The following WNK1 variants were observed in gnomAD, a reference collection of about 807,000 sequenced individuals.
WNK1 encodes serine/threonine-protein kinase WNK1.
A neutral mutation model predicts 222.8 loss-of-function variants in WNK1; 38 were observed. The ratio of observed to expected loss-of-function variants is 0.17; its 90% CI spans 0.13 to 0.22. The LOEUF (loss-of-function observed/expected upper bound fraction) is 0.22, where lower values mean the gene tolerates loss of function less well. Among genes scored for constraint, WNK1 ranks in the 10% least tolerant of loss-of-function variants. WNK1 has a pLI of 1.00. For missense variants in WNK1, 2,348 were observed against 2,918.4 expected, an observed-to-expected ratio of 0.80 and a Z score of 4.50; for synonymous variants, 1,090 against 1,092.9, an observed-to-expected ratio of 1.00 and a Z score of 0.05.
Position 885,483 on chromosome 12 carries a change from AT to A in WNK1, c.4680del (p.Tyr1560Ter). On this transcript the variant is annotated frameshift_variant, in exon 19 of 28. Coordinates refer to ENST00000315939, the MANE Select transcript of WNK1 (RefSeq NM_018979.4). LOFTEE classifies it high-confidence loss of function. The part of the protein sequence containing the change: ...SSSPGAGVSS[Y>X]ISQPGGLHPL... ...TCTCCTGGAGCAGGAGTGTCTAGTT[AT>A]ATTTCTCAGCCTGGTGGGCTGCATC... The A allele has an allele frequency of 6.2e-7, 1 of 1,613,992 alleles. No homozygotes were observed. The highest frequency in any genetic ancestry group is 8.5e-7 in the Non-Finnish European group (1 of 1,180,018).
At chr12:824,029 C>T (rs1948141199) in intron 2 of WNK1, among the ~76,000 whole-genome samples, 1 of 151,616 alleles carries the variant, frequency 6.6e-6, no homozygotes, top group Admixed American at 6.6e-5. Context: ...ACCTCAGCCT[C>T]CCGAGTAGCT....
At position 885,576 on chromosome 12, in the gene WNK1, C is replaced by G. The variant is rs1348314598; in HGVS notation, c.4772C>G (p.Thr1591Arg). The part of the protein sequence containing the change: ...ILPQAAGPTS[T>R]PLLPQVPSIP... ...CCCCAAGCAGCAGGACCTACTTCTA[C>G]ACCTTTATTACCCCAAGTACCTAGT... The change falls in exon 19 of 28, where the codon ACA becomes AGA. Residue 1591 changes from threonine (T) to arginine (R), a missense_variant. Transcript: ENST00000315939. 6.2e-7 allele frequency: 1 copy of G among 1,614,176 alleles called. No homozygotes were observed. The highest frequency in any genetic ancestry group is 1.3e-5 in the African/African-American group (1 of 75,050).
At position 827,411 on chromosome 12, in the gene WNK1, A is replaced by G. The variant is rs1948434692; in HGVS notation, c.1153+149A>G. 2 of 688,918 alleles carry G rather than the reference A, an allele frequency of 2.9e-6. No individual in the cohort carries two copies. The highest frequency in any genetic ancestry group is 3.4e-5 in the South Asian group (2 of 59,092). The allele number at this position is 688,918 out of a possible 1,614,324, so 42.7% of individuals were successfully genotyped here. A position where few individuals can be genotyped will look rare whatever the true frequency, so the allele number is the denominator to read the frequency against. On this transcript the variant is annotated intron_variant, in intron 3 of 27. Coordinates refer to ENST00000315939, the MANE Select transcript of WNK1 (RefSeq NM_018979.4). The surrounding 1 kb of genome is among the most constrained non-coding windows in gnomAD (Gnocchi z 4.6). ...GTGATCCATTGTACTTATGAGATAT[A>G]GGATTCTCTATATTTGTGCTTCTTG...
chr12:906,858 G>T, intron 26 of WNK1: 1 of 606,960 alleles, frequency 1.6e-6, no homozygotes, highest in Non-Finnish European at 2.1e-6. Flanking sequence ...AACATATGGA[G>T]ATTCTGTCTA....
At chr12:862,832 A>T (rs1008779965) in intron 8 of WNK1, among the ~76,000 whole-genome samples, 1 of 152,094 alleles carries the variant, frequency 6.6e-6, no homozygotes, top group African/African-American at 2.4e-5. Context: ...TTCCTTCCCC[A>T]GTATATGTTC....
At chr12:867,410 T>C (rs1213719537) in intron 8 of WNK1, among the ~76,000 whole-genome samples, 1 of 152,210 alleles carries the variant, frequency 6.6e-6, no homozygotes, top group African/African-American at 2.4e-5. Flanking sequence ...AATAAGAATA[T>C]AGGGAAAGTT....
In WNK1 at chr12:754,088, A is replaced by G; in HGVS notation, c.523A>G (p.Lys175Glu). The G allele has an allele frequency of 6.2e-7, 1 of 1,610,316 alleles. No homozygotes were observed. The highest frequency in any genetic ancestry group is 8.5e-7 in the Non-Finnish European group (1 of 1,179,026). Residue 175 changes from lysine (K) to glutamate (E), a missense_variant, in exon 1 of 28, where the codon AAA becomes GAA. Lys to Glu is a moderately conservative substitution (Grantham distance 56). This residue lies in a region of WNK1 where 185 missense variants were observed against 159.2 expected (regional missense o/e 1.16). Coordinates refer to ENST00000315939, the MANE Select transcript of WNK1 (RefSeq NM_018979.4). ...GTCCCAGCCTAGCCTTGTGGGGAGC[A>G]AAGAGGAGCCGCCGCCGGCGAGAAG... ...PVSQPSLVGS[K>E]EEPPPARSGS...
intron 22 of WNK1, among the ~76,000 whole-genome samples, chr12:892,061 A>G: frequency 7.2e-6 from 1 of 138,324 alleles, no homozygotes; most frequent in East Asian, 2.1e-4. Context: ...TGGCTTGGAA[A>G]TCTTTTTTTT....
In WNK1 at chr12:871,331, A is replaced by G. The variant is rs147099510; in HGVS notation, c.2206A>G (p.Ile736Val). ...AACAGGGGTTTCATCTTCCCAACCC[A>G]TACAACATCCTCAGCAGGTGAGAAC... ...SLTGVSSSQP[I>V]QHPQQQQGIQ... The change falls in exon 9 of 28, where the codon ATA becomes GTA. Residue 736 changes from isoleucine (I) to valine (V), a missense_variant. Ile to Val is a conservative substitution (Grantham distance 29). Around this residue, in one of 13 missense-constraint regions of WNK1, gnomAD observed 547 missense variants for 558.3 expected, o/e 0.98. Transcript: ENST00000315939. The G allele has an allele frequency of 1.4e-3, 2,309 of 1,614,186 alleles. 16 individuals carry two copies. The highest frequency in any genetic ancestry group is 7.0e-3 in the South Asian group (635 of 91,084).
At chr12:764,494 G>C (rs1157176294) in intron 1 of WNK1, among the ~76,000 whole-genome samples, 1 of 144,572 alleles carries the variant, frequency 6.9e-6, no homozygotes, top group Non-Finnish European at 1.5e-5. Context: ...AAATTAGCTG[G>C]GCCTGGTGGC....
At chr12:775,054 G>T (rs1942947439) in intron 1 of WNK1, among the ~76,000 whole-genome samples, 1 of 151,794 alleles carries the variant, frequency 6.6e-6, no homozygotes, top group Non-Finnish European at 1.5e-5. Context: ...AACTTGATAG[G>T]TGAATTTCTG....
intron 2 of WNK1, among the ~76,000 whole-genome samples, chr12:822,084 T>C (rs1266439272): frequency 1.4e-5 from 2 of 138,028 alleles, no homozygotes; most frequent in Admixed American, 7.7e-5. Flanking sequence ...GTATGTCTTA[T>C]ACCTTTTTTT....
intron 1 of WNK1, among the ~76,000 whole-genome samples, chr12:802,721 G>T (rs1464057744): frequency 6.6e-6 from 1 of 152,130 alleles, no homozygotes; most frequent in African/African-American, 2.4e-5. Flanking sequence ...GAGTTTAAAG[G>T]TTAAGACTGG....
At chr12:770,832 ATTTCTTT>A (rs1400422365) in intron 1 of WNK1, among the ~76,000 whole-genome samples, 1 of 152,120 alleles carries the variant, frequency 6.6e-6, no homozygotes, top group Non-Finnish European at 1.5e-5. Context: ...CAGAAATGGC[ATTTCTTT>A]ATGGCTTTGT....
chr12:862,459 A>C (rs1299551676), intron 8 of WNK1, among the ~76,000 whole-genome samples, 189 bp downstream of exon 8: 2 of 152,260 alleles, frequency 1.3e-5, no homozygotes, highest in African/African-American at 4.8e-5. Context: ...TGAACTGCCT[A>C]CATGAAGCAG....
intron 26 of WNK1, among the ~76,000 whole-genome samples, chr12:905,564 TTC>T (rs1955626033): frequency 6.6e-6 from 1 of 152,140 alleles, no homozygotes; most frequent in South Asian, 2.1e-4. Flanking sequence ...CTGTGATTAT[TTC>T]TGTTTTTTGT....
intron 1 of WNK1, among the ~76,000 whole-genome samples, chr12:761,739 A>G (rs1941049615): frequency 1.4e-5 from 2 of 147,942 alleles, no homozygotes; most frequent in Admixed American, 6.7e-5. Flanking sequence ...ATAACCTGAT[A>G]TATCTATCTT....
chr12:755,210 C>A lies in WNK1; in HGVS notation c.759+886C>A, dbSNP rs747127704. ...ACTGAAGCAGCTTGCTTAAATATTG[C>A]CCTGATTGGGCATAGGTGAACATAG... is the stretch of plus-strand genomic sequence containing the variant. On this transcript the variant is annotated intron_variant, in intron 1 of 27. Transcript: ENST00000315939. 2.8e-4 allele frequency among the ~76,000 whole-genome samples: 42 copies of A among 152,248 alleles called. No individual in the cohort carries two copies. The Middle Eastern group carries it at 0.014, about 49-fold the overall frequency.
At position 908,915 on chromosome 12, in the gene WNK1, A is replaced by G; in HGVS notation, c.*123A>G. 1 of 1,141,404 alleles carries G rather than the reference A, an allele frequency of 8.8e-7. No homozygotes were observed. Among genetic ancestry groups the G allele is most frequent in the Non-Finnish European group, 1.3e-6 (1 of 789,612 alleles). The allele number at this position is 1,141,404 out of a possible 1,614,324, so 70.7% of individuals were successfully genotyped here. On this transcript the variant is annotated 3_prime_UTR_variant, in exon 28 of 28. Coordinates refer to ENST00000315939, the MANE Select transcript of WNK1 (RefSeq NM_018979.4). ...TGCATTTAACTGGTTATTTCTTGCC[A>G]GAGGGGAATGTTTTTAATACTGCAT...
Sources: gnomAD v4.1 joint callset for allele counts (sites outside exome capture counted in the v4.1 genomes callset) on GRCh38, gnomAD v4.1.1 for gene constraint, gnomAD v4.1.1 regional missense constraint, Gnocchi (gnomAD v3.1) non-coding constraint, MANE v1.5 for transcripts, NCBI Gene and HGNC (gene_info 2026-07-23, HGNC 2026-07-21) for gene names.